The following PRIM2 variants were observed in gnomAD, a reference collection of about 807,000 sequenced individuals.
The protein encoded by PRIM2 is DNA primase subunit 2, also known as DNA primase large subunit.
A neutral mutation model predicts 67.3 loss-of-function variants in PRIM2; 39 were observed. That is an observed-to-expected ratio of 0.58 (90% confidence interval 0.45 to 0.76). The LOEUF is 0.76. PRIM2 is among the 30% of genes least tolerant of loss of function. The pLI, the probability that PRIM2 is intolerant of heterozygous loss-of-function variation, is 0.00. For missense variants in PRIM2, 398 were observed against 598.7 expected, an observed-to-expected ratio of 0.66 and a Z score of 3.50; for synonymous variants, 143 against 198.7, an observed-to-expected ratio of 0.72 and a Z score of 2.36.
the PRIM2 span, among the ~76,000 whole-genome samples, chr6:57,230,693 G>T: frequency 1.3e-5 from 2 of 152,176 alleles, no homozygotes; most frequent in Non-Finnish European, 2.9e-5. Context: ...CACAAGACTT[G>T]TCAGAGGCTT....
At chr6:57,578,771 G>A (rs1341512274) in intron 10 of PRIM2, among the ~76,000 whole-genome samples, 2 of 150,006 alleles carry the variant, frequency 1.3e-5, no homozygotes, top group East Asian at 2.0e-4. Context: ...CCGCCTCCCG[G>A]GTTCACGCCA....
intron 12 of PRIM2, among the ~76,000 whole-genome samples, chr6:57,626,544 G>T (rs1157920832): frequency 6.6e-6 from 1 of 151,094 alleles, no homozygotes; most frequent in East Asian, 1.9e-4. Context: ...TCATCTTGAG[G>T]ATGAAATAGT....
Position 57,330,391 on chromosome 6 carries a change from T to G in PRIM2, c.459+4346T>G, listed in dbSNP as rs576201498. Among the ~76,000 whole-genome samples, 9 of 148,076 alleles carry G rather than the reference T, an allele frequency of 6.1e-5. No individual in the cohort carries two copies. In the South Asian group the frequency reaches 1.5e-3, roughly 25 times the overall value. ...TGTTTTTTTGTTTTTTTGTTTTTTT[T>G]TTTTTGAGATGGAGTCTTGCACTGT... On this transcript the variant is annotated intron_variant, in intron 5 of 13. Transcript: ENST00000615550.
At chr6:57,394,099 C>T (rs1770444944) in intron 7 of PRIM2, among the ~76,000 whole-genome samples, 7 of 152,238 alleles carry the variant, frequency 4.6e-5, no homozygotes, top group Middle Eastern at 3.4e-3. Context: ...TAATGTGATG[C>T]CTCCAGATTT....
chr6:57,548,903 A>C (rs1461345811), intron 10 of PRIM2, among the ~76,000 whole-genome samples: 1 of 152,160 alleles, frequency 6.6e-6, no homozygotes, highest in Non-Finnish European at 1.5e-5. Context: ...ACCTTCCATA[A>C]GTGTGCTAAG....
intron 7 of PRIM2, among the ~76,000 whole-genome samples, chr6:57,486,894 C>A (rs1773766242): frequency 6.6e-6 from 1 of 151,990 alleles, no homozygotes; most frequent in East Asian, 1.9e-4. Flanking sequence ...TCTTTTTTCC[C>A]CTTACATAGA....
chr6:57,627,721 C>T (rs1351414015), intron 12 of PRIM2, among the ~76,000 whole-genome samples: 113 of 152,202 alleles, frequency 7.4e-4, no homozygotes, highest in African/African-American at 2.5e-3. Flanking sequence ...TGATTACTGA[C>T]GAACTAGATT....
chr6:57,280,420 A>G, the PRIM2 span, among the ~76,000 whole-genome samples: 1 of 151,956 alleles, frequency 6.6e-6, no homozygotes, highest in Non-Finnish European at 1.5e-5. Context: ...ATTTTGAAAT[A>G]ATTTTAGACT....
At chr6:57,370,486 A>G (rs1167968722) in intron 5 of PRIM2, among the ~76,000 whole-genome samples, 1 of 152,188 alleles carries the variant, frequency 6.6e-6, no homozygotes, top group Non-Finnish European at 1.5e-5. Flanking sequence ...TTTTGGTTAT[A>G]ACTAAATAGA....
chr6:57,289,159 C>A, the PRIM2 span, among the ~76,000 whole-genome samples: 1 of 152,086 alleles, frequency 6.6e-6, no homozygotes, highest in Non-Finnish European at 1.5e-5. Context: ...GTGACGCATG[C>A]ACAAGCTTCA....
At chr6:57,292,827 G>C in the PRIM2 span, among the ~76,000 whole-genome samples, 32 of 152,152 alleles carry the variant, frequency 2.1e-4, no homozygotes, top group South Asian at 2.5e-3. Context: ...ACACCTTATA[G>C]AAAAATTAAC....
At chr6:57,542,177 T>C (rs1307448093) in intron 10 of PRIM2, among the ~76,000 whole-genome samples, 1 of 152,124 alleles carries the variant, frequency 6.6e-6, no homozygotes, top group East Asian at 1.9e-4. Context: ...GGTTTCGCCA[T>C]GTTGCTCAGG....
At chr6:57,230,647 TTTAAA>T in the PRIM2 span, among the ~76,000 whole-genome samples, 1 of 152,220 alleles carries the variant, frequency 6.6e-6, no homozygotes, top group Non-Finnish European at 1.5e-5. Context: ...AATGTCAGTC[TTTAAA>T]TTAAAGATTT....
intron 7 of PRIM2, among the ~76,000 whole-genome samples, chr6:57,463,453 C>T (rs1249751007): frequency 2.0e-5 from 3 of 152,210 alleles, no homozygotes; most frequent in Non-Finnish European, 2.9e-5. Context: ...GATTATACTA[C>T]TGCAGCCCAG....
the PRIM2 span, among the ~76,000 whole-genome samples, chr6:57,303,860 C>T: frequency 2.6e-5 from 4 of 152,160 alleles, no homozygotes; most frequent in Admixed American, 1.3e-4. Context: ...GTCTCGAACT[C>T]GTGACCTCAA....
intron 12 of PRIM2, among the ~76,000 whole-genome samples, chr6:57,612,021 A>C (rs1277470808): frequency 6.6e-6 from 1 of 152,160 alleles, no homozygotes; most frequent in Non-Finnish European, 1.5e-5. Context: ...ATGAAATTTA[A>C]AACTACAATG....
intron 6 of PRIM2, among the ~76,000 whole-genome samples, chr6:57,381,345 C>T (rs921925684): frequency 3.9e-5 from 6 of 151,942 alleles, no homozygotes; most frequent in Admixed American, 6.6e-5. Context: ...TTTTTAACCT[C>T]GTTTTTTAAA....
the PRIM2 span, among the ~76,000 whole-genome samples, chr6:57,224,523 T>C: frequency 1.3e-5 from 2 of 152,174 alleles, no homozygotes; most frequent in Non-Finnish European, 2.9e-5. Flanking sequence ...ATGGTGGTGA[T>C]GGTTGCACAA....
chr6:57,240,109 T>TTGG, the PRIM2 span, among the ~76,000 whole-genome samples: 605 of 147,212 alleles, frequency 4.1e-3, 4 homozygotes, highest in Non-Finnish European at 6.6e-3. Context: ...TTTTTTTTTT[T>TTGG]TTTTTTTGAG....
Sources: gnomAD v4.1 joint callset for allele counts (sites outside exome capture counted in the v4.1 genomes callset) on GRCh38, gnomAD v4.1.1 for gene constraint, MANE v1.5 for transcripts, NCBI Gene and HGNC (gene_info 2026-07-23, HGNC 2026-07-21) for gene names.